KLHL1: variants seen among roughly 807,000 people sequenced by gnomAD.
The protein encoded by KLHL1 is kelch-like protein 1.
In KLHL1, 47 loss-of-function variants were observed where a neutral mutation model predicts 77.7. That is an observed-to-expected ratio of 0.60 (90% CI 0.48 to 0.77). KLHL1 has a LOEUF of 0.77. Ranked by LOEUF, KLHL1 falls within the 30% of genes least tolerant of loss-of-function variation. The pLI is 0.00. For synonymous variants in KLHL1, 360 were observed against 325.2 expected (o/e 1.11, Z -1.15); for missense variants, 925 against 910.8 (o/e 1.02, Z -0.20).
intron 1 of KLHL1, among the ~76,000 whole-genome samples, chr13:69,997,387 C>T (rs1320466025): frequency 7.0e-6 from 1 of 142,484 alleles, no homozygotes; most frequent in African/African-American, 2.6e-5. Flanking sequence ...ATAGGTACGA[C>T]GTTGCACAGA....
At chr13:70,098,027 T>G (rs2137450642) in intron 1 of KLHL1, among the ~76,000 whole-genome samples, 1 of 151,956 alleles carries the variant, frequency 6.6e-6, no homozygotes, top group Admixed American at 6.6e-5. Context: ...AACTTGAAAA[T>G]ATTAAAGCCT....
At chr13:70,068,875 T>C (rs1887075370) in intron 1 of KLHL1, among the ~76,000 whole-genome samples, 1 of 152,136 alleles carries the variant, frequency 6.6e-6, no homozygotes, top group South Asian at 2.1e-4. Context: ...GAGGCACACT[T>C]TCCTGAGTTT....
At chr13:69,732,304 T>C (rs1873583073) in intron 8 of KLHL1, among the ~76,000 whole-genome samples, 1 of 152,012 alleles carries the variant, frequency 6.6e-6, no homozygotes, top group Admixed American at 6.6e-5. Flanking sequence ...AAAGGAACAA[T>C]TAAACAAACG....
At chr13:69,935,207 T>TACTGGTGCACTTGGTACATAGTTCACCC (rs1883142088) in intron 4 of KLHL1, among the ~76,000 whole-genome samples, 1 of 118,424 alleles carries the variant, frequency 8.4e-6, no homozygotes, top group Non-Finnish European at 1.7e-5. Flanking sequence ...ACATAGTTGG[T>TACTGGTGCACTTGGTACATAGTTCACCC]ACTGGTGAAC....
chr13:69,867,375 C>G (rs1276229278), intron 5 of KLHL1, among the ~76,000 whole-genome samples: 1 of 151,976 alleles, frequency 6.6e-6, no homozygotes, highest in East Asian at 1.9e-4. Context: ...TGAGCTCTGC[C>G]TCACCCACAA....
At chr13:69,701,794 A>G (rs1416722838) in intron 10 of KLHL1, 33 bp from the exon 11 acceptor site, 2 of 1,438,178 alleles carry the variant, frequency 1.4e-6, no homozygotes, top group Middle Eastern at 1.8e-4. Context: ...ACTTAAGACA[A>G]GTTTTCATAG....
At chr13:69,853,229 G>A (rs1043307310) in intron 5 of KLHL1, among the ~76,000 whole-genome samples, 5 of 151,986 alleles carry the variant, frequency 3.3e-5, no homozygotes, top group African/African-American at 1.2e-4. Context: ...GAGGGACCCA[G>A]TGGGAAGTAG....
chr13:69,883,581 T>C (rs1190766859), intron 4 of KLHL1, among the ~76,000 whole-genome samples: 1 of 152,180 alleles, frequency 6.6e-6, no homozygotes. Flanking sequence ...AGAAATCTTT[T>C]CACAAATTTT....
chr13:69,801,746 AATTT>A (rs1421173229), intron 6 of KLHL1, among the ~76,000 whole-genome samples: 2 of 152,150 alleles, frequency 1.3e-5, no homozygotes, highest in African/African-American at 4.8e-5. Flanking sequence ...TAAACTTGAT[AATTT>A]ATTATAGACT....
intron 1 of KLHL1, among the ~76,000 whole-genome samples, chr13:70,091,319 T>A (rs1396143600): frequency 6.6e-6 from 1 of 152,084 alleles, no homozygotes; most frequent in South Asian, 2.1e-4. Context: ...CTCTTTTTTC[T>A]CTTTCAACTT....
intron 4 of KLHL1, among the ~76,000 whole-genome samples, chr13:69,936,276 G>A (rs1266455949): frequency 6.6e-6 from 1 of 152,076 alleles, no homozygotes; most frequent in Non-Finnish European, 1.5e-5. Flanking sequence ...TAGAGGGTAG[G>A]TGTGGAGGAC....
intron 6 of KLHL1, among the ~76,000 whole-genome samples, chr13:69,815,033 A>T (rs1878060427): frequency 6.6e-6 from 1 of 152,108 alleles, no homozygotes; most frequent in Admixed American, 6.6e-5. Flanking sequence ...AAAATAAAAT[A>T]AAATAAAATA....
chr13:69,740,806 A>G (rs556510456), intron 7 of KLHL1, among the ~76,000 whole-genome samples: 3 of 152,334 alleles, frequency 2.0e-5, no homozygotes, highest in Admixed American at 6.5e-5. Context: ...ACTACCTACC[A>G]TTAATTGAAT....
chr13:69,703,937 T>A (rs1009733083), intron 10 of KLHL1, among the ~76,000 whole-genome samples: 2 of 151,560 alleles, frequency 1.3e-5, no homozygotes, highest in Non-Finnish European at 3.0e-5. Context: ...CAGATTGTAT[T>A]TCATTTTTAA....
chr13:70,083,541 A>G (rs539600005), intron 1 of KLHL1, among the ~76,000 whole-genome samples: 1 of 152,322 alleles, frequency 6.6e-6, no homozygotes, highest in African/African-American at 2.4e-5. Flanking sequence ...TAGACTTTGT[A>G]GATTAACTCT....
At chr13:69,809,741 A>G (rs1437379984) in intron 6 of KLHL1, among the ~76,000 whole-genome samples, 1 of 152,120 alleles carries the variant, frequency 6.6e-6, no homozygotes, top group Non-Finnish European at 1.5e-5. Flanking sequence ...TTTAAAAGAC[A>G]TAGAGAGGTA....
rs559010543 is a variant in KLHL1, at chr13:69,979,191, A to C, written c.498-3389T>G. 1.3e-3 allele frequency among the ~76,000 whole-genome samples: 191 copies of C among 151,780 alleles called. 1 individual carries two copies. Among genetic ancestry groups the C allele is most frequent in the African/African-American group, 4.4e-3 (184 of 41,400 alleles). On this transcript the variant is annotated intron_variant, in intron 1 of 10. Transcript: ENST00000377844. Reference sequence around the variant, plus strand: ...CTCAAAAAAAAAATAAATAAGTTCCAGTTCTCTCCTAGATTTTTTTCCTAA... The same window carrying C: ...CTCAAAAAAAAAATAAATAAGTTCCCGTTCTCTCCTAGATTTTTTTCCTAA...
intron 1 of KLHL1, among the ~76,000 whole-genome samples, chr13:70,094,082 G>C (rs758875870): frequency 2.0e-5 from 3 of 152,056 alleles, no homozygotes; most frequent in Non-Finnish European, 4.4e-5. Context: ...TTTAACACAA[G>C]AAAGTTAGAT....
chr13:69,735,317 G>T (rs908047277), intron 8 of KLHL1, among the ~76,000 whole-genome samples: 3 of 151,204 alleles, frequency 2.0e-5, no homozygotes, highest in Non-Finnish European at 3.0e-5. Context: ...AAAATAGGTA[G>T]ATAAGGACAC....
Sources: gnomAD v4.1 joint callset for allele counts (sites outside exome capture counted in the v4.1 genomes callset) on GRCh38, gnomAD v4.1.1 for gene constraint, MANE v1.5 for transcripts, NCBI Gene and HGNC (gene_info 2026-07-23, HGNC 2026-07-21) for gene names.